The following EYS variants were observed in gnomAD, a reference collection of about 807,000 sequenced individuals.
EYS encodes protein eyes shut homolog.
Under a neutral mutation model 282.1 loss-of-function variants are expected in EYS, and 250 were observed. The observed-to-expected ratio is 0.89, with a 90% confidence interval of 0.80 to 0.98. The LOEUF (loss-of-function observed/expected upper bound fraction) is 0.98. EYS is among the 50% of genes least tolerant of loss of function. The pLI, the probability that EYS is intolerant of heterozygous loss-of-function variation, is 0.00. For missense variants in EYS, 4,016 were observed against 3,709.0 expected (o/e 1.08, Z -2.15); for synonymous variants, 1,355 against 1,282.9 (o/e 1.06, Z -1.20).
chr6:64,277,153 C>T lies in EYS; in HGVS notation c.6191+29817G>A, dbSNP rs1768143270. Among the ~76,000 whole-genome samples the T allele has an allele frequency of 2.0e-5, 3 of 152,102 alleles. No individual in the cohort carries two copies. The South Asian group carries it at 6.2e-4, about 31-fold the overall frequency. ...GCATTGAGAACTTGTTAAAATCATTCACGTATTGAACAAAACACAAACTCT... is the reference window on the plus strand; with the variant it reads ...GCATTGAGAACTTGTTAAAATCATTTACGTATTGAACAAAACACAAACTCT... On this transcript the variant is annotated intron_variant, in intron 30 of 42. Coordinates refer to ENST00000503581, the MANE Select transcript of EYS (RefSeq NM_001142800.2).
At chr6:65,069,988 C>T (rs1383093889) in intron 12 of EYS, among the ~76,000 whole-genome samples, 2 of 152,004 alleles carry the variant, frequency 1.3e-5, no homozygotes, top group Admixed American at 6.6e-5. Context: ...CTTTTCAGAA[C>T]CTCACTTTCA....
intron 5 of EYS, among the ~76,000 whole-genome samples, chr6:65,424,210 GA>G (rs1378982249): frequency 6.6e-6 from 1 of 151,896 alleles, no homozygotes; most frequent in African/African-American, 2.4e-5. Flanking sequence ...TAAGTTGCCA[GA>G]AGATTAACAA....
At chr6:65,600,430 G>T (rs1765576290) in intron 2 of EYS, among the ~76,000 whole-genome samples, 1 of 151,852 alleles carries the variant, frequency 6.6e-6, no homozygotes, top group Non-Finnish European at 1.5e-5. Flanking sequence ...GATAAGGATG[G>T]CTCTTATATT....
At chr6:65,425,076 C>T (rs1246764253) in intron 5 of EYS, among the ~76,000 whole-genome samples, 2 of 152,034 alleles carry the variant, frequency 1.3e-5, no homozygotes, top group African/African-American at 2.4e-5. Context: ...GACCAACTAT[C>T]TTGGTCAGCT....
intron 8 of EYS, among the ~76,000 whole-genome samples, chr6:65,369,307 ATATATATAT>A (rs1255007112): frequency 6.9e-4 from 38 of 55,320 alleles, no homozygotes; most frequent in Non-Finnish European, 1.8e-3. Flanking sequence ...TTTATGTATA[ATATATATAT>A]TATATATATA....
chr6:64,028,645 C>A (rs1005329053), intron 33 of EYS, among the ~76,000 whole-genome samples: 12 of 152,178 alleles, frequency 7.9e-5, no homozygotes, highest in Non-Finnish European at 1.6e-4. Context: ...TCCCAACTTA[C>A]GTGGATGGTC....
intron 14 of EYS, among the ~76,000 whole-genome samples, chr6:64,949,729 G>T (rs1317411755): frequency 6.6e-6 from 1 of 151,712 alleles, no homozygotes; most frequent in African/African-American, 2.4e-5. Flanking sequence ...CCAGGAGATG[G>T]GAATCTCGAG....
chr6:63,780,429 T>C (rs1770187789), intron 39 of EYS, among the ~76,000 whole-genome samples: 1 of 152,228 alleles, frequency 6.6e-6, no homozygotes, highest in South Asian at 2.1e-4. Context: ...GATTTTTTAA[T>C]GATCGGCATT....
At chr6:65,225,404 G>C (rs947660810) in intron 12 of EYS, among the ~76,000 whole-genome samples, 2 of 151,816 alleles carry the variant, frequency 1.3e-5, no homozygotes, top group East Asian at 3.9e-4. Flanking sequence ...GAAATGCAAG[G>C]AGTTTCAACA....
intron 12 of EYS, among the ~76,000 whole-genome samples, chr6:65,068,744 T>C (rs190346318): frequency 6.6e-6 from 1 of 152,158 alleles, no homozygotes; most frequent in Admixed American, 6.6e-5. Context: ...TACCAATTTT[T>C]ACTTGTGCTC....
chr6:64,833,247 C>A (rs1246822064), intron 19 of EYS, among the ~76,000 whole-genome samples: 1 of 151,872 alleles, frequency 6.6e-6, no homozygotes, highest in African/African-American at 2.4e-5. Context: ...GCCATCAAAA[C>A]AATTCTTTAA....
rs189805367 is a variant in EYS at position 64,487,592 on chromosome 6, T to C, written c.5645-48240A>G. ...GAACTAAAAGAAGATAAAAAGCTGATATTAATCCTTATCTTTTTTCATTTA... is the reference window on the plus strand; with the variant it reads ...GAACTAAAAGAAGATAAAAAGCTGACATTAATCCTTATCTTTTTTCATTTA... On this transcript the variant is annotated intron_variant, in intron 26 of 42. Transcript: ENST00000503581. Among the ~76,000 whole-genome samples, 176 of 151,146 alleles carry C rather than the reference T, an allele frequency of 1.2e-3. 1 individual carries two copies. In the Middle Eastern group the frequency reaches 0.014, roughly 12 times the overall value.
intron 33 of EYS, among the ~76,000 whole-genome samples, chr6:64,064,125 C>T (rs1236733669): frequency 6.6e-6 from 1 of 152,180 alleles, no homozygotes; most frequent in African/African-American, 2.4e-5. Context: ...TTTAAGCCTT[C>T]CTGCATCATG....
intron 33 of EYS, among the ~76,000 whole-genome samples, chr6:64,045,224 T>A (rs934959673): frequency 6.7e-6 from 1 of 150,366 alleles, no homozygotes; most frequent in Non-Finnish European, 1.5e-5. Flanking sequence ...TAATTTTTAC[T>A]TTTTTTTTAA....
At chr6:64,599,493 A>G (rs1766697377) in intron 24 of EYS, among the ~76,000 whole-genome samples, 1 of 152,204 alleles carries the variant, frequency 6.6e-6, no homozygotes, top group Non-Finnish European at 1.5e-5. Context: ...ATTAAAGAAG[A>G]CAAGCAAATT....
In EYS at chr6:65,439,833, C is replaced by T. The variant is rs796283794; in HGVS notation, c.863-34466G>A. On this transcript the variant is annotated intron_variant, in intron 5 of 42. Transcript: ENST00000503581. ...AATTTAATTAAACTCAACAAACATT[C>T]ATAGACATAAAACTATAACATGAAA... Among the ~76,000 whole-genome samples the T allele has an allele frequency of 2.6e-5, 4 of 152,022 alleles. No individual in the cohort carries two copies. In the South Asian group the frequency reaches 8.3e-4, roughly 32 times the overall value.
chr6:65,575,886 T>A (rs1345174254), intron 2 of EYS, among the ~76,000 whole-genome samples: 2 of 151,984 alleles, frequency 1.3e-5, no homozygotes, highest in Non-Finnish European at 2.9e-5. Flanking sequence ...CCAACACTAT[T>A]TTGTGAGGAA....
intron 33 of EYS, among the ~76,000 whole-genome samples, chr6:64,060,658 A>G (rs773563248): frequency 2.0e-5 from 3 of 152,174 alleles, no homozygotes; most frequent in Non-Finnish European, 2.9e-5. Flanking sequence ...ATCTGCACCA[A>G]TTTACATATA....
intron 19 of EYS, among the ~76,000 whole-genome samples, chr6:64,849,615 G>T (rs1461706301): frequency 1.3e-5 from 2 of 152,012 alleles, no homozygotes; most frequent in African/African-American, 2.4e-5. Context: ...ACTAAAATTA[G>T]TTGTTGGCCA....
Sources: gnomAD v4.1 joint callset for allele counts (sites outside exome capture counted in the v4.1 genomes callset) on GRCh38, gnomAD v4.1.1 for gene constraint, MANE v1.5 for transcripts, NCBI Gene and HGNC (gene_info 2026-07-23, HGNC 2026-07-21) for gene names.